The following CENPT variants were observed in gnomAD, a reference collection of about 807,000 sequenced individuals.
The protein encoded by CENPT is centromere protein T.
A neutral mutation model predicts 59.7 loss-of-function variants in CENPT; 42 were observed. The ratio of observed to expected loss-of-function variants is 0.70; its 90% CI spans 0.55 to 0.91. The LOEUF (loss-of-function observed/expected upper bound fraction) is 0.91, where lower values mean the gene tolerates loss of function less well. Among genes scored for constraint, CENPT ranks in the 40% least tolerant of loss-of-function variants. The pLI, the probability that CENPT is intolerant of heterozygous loss-of-function variation, is 0.00. For missense variants in CENPT, 716 were observed against 713.4 expected (o/e 1.00, Z -0.04); for synonymous variants, 295 against 289.6 (o/e 1.02, Z -0.19).
rs2057779355 is a variant in CENPT at position 67,843,569 on chromosome 16, C to T, written c.-492+3832G>A. 2.8e-6 allele frequency: 4 copies of T among 1,453,092 alleles called. No homozygotes were observed. Among genetic ancestry groups the T allele is most frequent in the Non-Finnish European group, 2.8e-6 (3 of 1,070,762 alleles). 90.0% of individuals were successfully genotyped at this position (1,453,092 alleles called of 1,614,324 possible). A position where few individuals can be genotyped will look rare whatever the true frequency, so the allele number is the denominator to read the frequency against. Reference sequence around the variant, plus strand: ...CAGGGGACCGCAGGCCATTGTTGAACTCCTCTATACTCCTGGGCACTGGTT... The same window carrying T: ...CAGGGGACCGCAGGCCATTGTTGAATTCCTCTATACTCCTGGGCACTGGTT... On this transcript the variant is annotated intron_variant, in intron 1 of 15. Transcript: ENST00000562787. The surrounding 1 kb of genome is among the most constrained non-coding windows in gnomAD (Gnocchi z 5.7).
chr16:67,830,660 G>T, intron 10 of CENPT, 112 bp from the exon 11 acceptor site: 1 of 1,118,084 alleles, frequency 8.9e-7, no homozygotes, highest in Non-Finnish European at 1.3e-6. Context: ...CCAGGGCCTG[G>T]ACAGTGGGCT....
intron 1 of CENPT, among the ~76,000 whole-genome samples, chr16:67,840,024 T>G (rs937416194): frequency 7.3e-5 from 11 of 151,594 alleles, no homozygotes; most frequent in African/African-American, 2.7e-4. Context: ...TTAGAAGTAA[T>G]GTACATTAGA....
intron 1 of CENPT, among the ~76,000 whole-genome samples, chr16:67,845,874 C>A (rs1360173448): frequency 1.3e-5 from 2 of 152,212 alleles, no homozygotes; most frequent in African/African-American, 2.4e-5. Flanking sequence ...TCCGGTCTTA[C>A]CAGCCATCTC....
chr16:67,845,798 T>G (rs973999400), intron 1 of CENPT, among the ~76,000 whole-genome samples: 1 of 152,150 alleles, frequency 6.6e-6, no homozygotes, highest in Non-Finnish European at 1.5e-5. Context: ...ACTAGCTGAG[T>G]AATAAGCATC....
At chr16:67,832,997 C>G (rs753285704) in intron 4 of CENPT, among the ~76,000 whole-genome samples, 2 of 152,218 alleles carry the variant, frequency 1.3e-5, no homozygotes, top group Non-Finnish European at 1.5e-5. Context: ...GATTCCAGAG[C>G]CACATAAGTG....
In CENPT at chr16:67,842,920, A is replaced by C; in HGVS notation, c.-492+4481T>G. ...AGCAGCAACAGCAGCAGCAGCAGCA[A>C]CAGCAGCAGCAGCAGCAGCAGCAGC... is the stretch of plus-strand genomic sequence containing the variant. On this transcript the variant is annotated intron_variant, in intron 1 of 15. Coordinates refer to ENST00000562787, the MANE Select transcript of CENPT (RefSeq NM_025082.4). This position sits in a 1 kb window ranked among gnomAD's most constrained non-coding sequence, Gnocchi z 4.9. 6.3e-7 allele frequency: 1 copy of C among 1,579,584 alleles called. No individual in the cohort carries two copies. Among genetic ancestry groups the C allele is most frequent in the Non-Finnish European group, 8.6e-7 (1 of 1,160,152 alleles).
rs1024790244 is a variant in CENPT at position 67,842,516 on chromosome 16, AG to A, written c.-492+4884del. 2.9e-5 allele frequency: 42 copies of A among 1,461,332 alleles called. No homozygotes were observed. The highest frequency in any genetic ancestry group is 1.4e-5 in the Non-Finnish European group (15 of 1,106,678). The allele number at this position is 1,461,332 out of a possible 1,614,324, so 90.5% of individuals were successfully genotyped here. On this transcript the variant is annotated intron_variant, in intron 1 of 15. Coordinates refer to ENST00000562787, the MANE Select transcript of CENPT (RefSeq NM_025082.4). This position sits in a 1 kb window ranked among gnomAD's most constrained non-coding sequence, Gnocchi z 4.9. ...TAGCCACTGGGCCGTCGAAGAGCGC[AG>A]GAGGCCGGTGGGCCGGGCCGGGCCG...
intron 1 of CENPT, among the ~76,000 whole-genome samples, chr16:67,840,104 C>T (rs1251378836): frequency 6.6e-6 from 1 of 152,134 alleles, no homozygotes; most frequent in Admixed American, 6.6e-5. Context: ...ATCACGAAGT[C>T]AGGAGATCGA....
In CENPT at chr16:67,843,677, G is replaced by C; in HGVS notation, c.-492+3724C>G. ...TTGTTTCCTCCTGAAGTGGAAGCTGGGGCCTTAGACTCTGCCCTGGTGACA... is the reference window on the plus strand; with the variant it reads ...TTGTTTCCTCCTGAAGTGGAAGCTGCGGCCTTAGACTCTGCCCTGGTGACA... On this transcript the variant is annotated intron_variant, in intron 1 of 15. Transcript: ENST00000562787. This position sits in a 1 kb window ranked among gnomAD's most constrained non-coding sequence, Gnocchi z 5.7. 1 of 637,452 alleles carries C rather than the reference G, an allele frequency of 1.6e-6. No homozygotes were observed. Among genetic ancestry groups the C allele is most frequent in the Non-Finnish European group, 2.7e-6 (1 of 368,814 alleles). 39.5% of individuals were successfully genotyped at this position (637,452 alleles called of 1,614,324 possible).
At chr16:67,841,386 C>G (rs973535940) in intron 1 of CENPT, among the ~76,000 whole-genome samples, 1 of 152,130 alleles carries the variant, frequency 6.6e-6, no homozygotes, top group Non-Finnish European at 1.5e-5. Context: ...CGGGCCACCC[C>G]TTTCCAGGCT....
chr16:67,829,364 A>G lies in CENPT; in HGVS notation c.1280+59T>C. ...GGAAGGGGGAGGACCCTATGTACACAGCATACCCAATGCTCCCTTCCCAAG... is the reference window on the plus strand; with the variant it reads ...GGAAGGGGGAGGACCCTATGTACACGGCATACCCAATGCTCCCTTCCCAAG... On this transcript the variant is annotated intron_variant, in intron 13 of 15. Coordinates refer to ENST00000562787, the MANE Select transcript of CENPT (RefSeq NM_025082.4). 2.9e-6 allele frequency: 4 copies of G among 1,368,328 alleles called. No individual in the cohort carries two copies. The South Asian group carries it at 3.9e-5, about 14-fold the overall frequency. The allele number at this position is 1,368,328 out of a possible 1,614,324, so 84.8% of individuals were successfully genotyped here. A position where few individuals can be genotyped will look rare whatever the true frequency, so the allele number is the denominator to read the frequency against.
chr16:67,835,002 C>T (rs1411077639), intron 3 of CENPT, among the ~76,000 whole-genome samples, 170 bp downstream of exon 3: 1 of 152,050 alleles, frequency 6.6e-6, no homozygotes, highest in Non-Finnish European at 1.5e-5. Flanking sequence ...CCACCACACC[C>T]GGCTAATTTT....
At chr16:67,831,636 G>A (rs1461893597) in intron 8 of CENPT, 24 bp from the exon 9 acceptor site, 9 of 1,613,948 alleles carry the variant, frequency 5.6e-6, no homozygotes, top group Middle Eastern at 3.3e-4. Flanking sequence ...GCAAGAGAAT[G>A]TAAAAGAAGA....
intron 1 of CENPT, among the ~76,000 whole-genome samples, chr16:67,838,443 G>A (rs1046073117): frequency 6.6e-6 from 1 of 151,660 alleles, no homozygotes; most frequent in African/African-American, 2.4e-5. Flanking sequence ...ACAACGTGGT[G>A]AAACCTCATC....
At chr16:67,831,690 G>A (rs1245982123) in intron 8 of CENPT, 64 bp downstream of exon 8, 2 of 1,605,002 alleles carry the variant, frequency 1.2e-6, no homozygotes, top group African/African-American at 1.3e-5. Context: ...CCTCTCTCAG[G>A]ACTCCTCAGC....
chr16:67,829,401 G>A, intron 13 of CENPT, 22 bp downstream of exon 13: 1 of 1,566,348 alleles, frequency 6.4e-7, no homozygotes, highest in Non-Finnish European at 8.7e-7. Flanking sequence ...GGCCCATGAG[G>A]AATGGGGTTG....
In CENPT at chr16:67,830,392, T is replaced by C. The variant is rs2057674505; in HGVS notation, c.860A>G (p.Asn287Ser). Reference protein sequence around the residue: ...TQSSGPGLQKNSPGKPAQFLA... With the variant: ...TQSSGPGLQKSSPGKPAQFLA... ...GGCCACCAGTGCCACACACTCACTA[T>C]TCTTCTGCAGCCCAGGCCCACTGCT... The change falls in exon 11 of 16, where the codon AAT becomes AGT. Residue 287 changes from asparagine to serine, a missense_variant and splice_region_variant. Physicochemically the swap from Asn to Ser is conservative, Grantham distance 46. Coordinates refer to ENST00000562787, the MANE Select transcript of CENPT (RefSeq NM_025082.4). 6.2e-7 allele frequency: 1 copy of C among 1,605,526 alleles called. No homozygotes were observed. The highest frequency in any genetic ancestry group is 8.5e-7 in the Non-Finnish European group (1 of 1,177,032).
intron 1 of CENPT, among the ~76,000 whole-genome samples, chr16:67,845,221 G>A (rs1178434368): frequency 6.6e-6 from 1 of 152,138 alleles, no homozygotes; most frequent in African/African-American, 2.4e-5. Context: ...GTGGGTGGTG[G>A]GGCACAAACG....
rs761198647 is a variant in CENPT, at chr16:67,842,816, C to A, written c.-492+4585G>T. The stretch of plus-strand genomic sequence containing the variant: ...CTTCCCGCTGCGCGGCGTCAATGAG[C>A]GCAAAGTAGCGCGCAGACCCGCTGG... On this transcript the variant is annotated intron_variant, in intron 1 of 15. Transcript: ENST00000562787. This position sits in a 1 kb window ranked among gnomAD's most constrained non-coding sequence, Gnocchi z 4.9. The A allele has an allele frequency of 2.5e-6, 4 of 1,610,514 alleles. No individual in the cohort carries two copies. Among genetic ancestry groups the A allele is most frequent in the East Asian group, 2.2e-5 (1 of 44,762 alleles).
Sources: gnomAD v4.1 joint callset for allele counts (sites outside exome capture counted in the v4.1 genomes callset) on GRCh38, gnomAD v4.1.1 for gene constraint, Gnocchi (gnomAD v3.1) non-coding constraint, MANE v1.5 for transcripts, NCBI Gene and HGNC (gene_info 2026-07-23, HGNC 2026-07-21) for gene names.